Variants in NABP2 observed in about 807,000 individuals in gnomAD.
NABP2 encodes the protein nucleic acid binding protein 2.
A neutral mutation model predicts 22.7 loss-of-function variants in NABP2; 7 were observed. The ratio of observed to expected loss-of-function variants is 0.31; its 90% CI spans 0.18 to 0.58. The LOEUF is 0.58. Ranked by LOEUF, NABP2 falls within the 20% of genes least tolerant of loss-of-function variation. The pLI is 0.89. For synonymous variants in NABP2, 107 were observed against 99.2 expected, an observed-to-expected ratio of 1.08 and a Z score of -0.47; for missense variants, 188 against 265.9, an observed-to-expected ratio of 0.71 and a Z score of 2.04.
At chr12:56,227,373 C>CAA (rs35370619) in intron 6 of NABP2, among the ~76,000 whole-genome samples, 45 of 104,214 alleles carry the variant, frequency 4.3e-4, no homozygotes, top group African/African-American at 9.3e-4. Flanking sequence ...GACTCTTTCT[C>CAA]AAAAAAAAAA....
At position 56,225,359 on chromosome 12, in the gene NABP2, T is replaced by C. The variant is rs938557957; in HGVS notation, c.80-14T>C. ...TTGACCATCCTCCCACCTCGATTTA[T>C]CTGTTCCGTTCAGGCCGAGTGACCA... On this transcript the variant is annotated splice_polypyrimidine_tract_variant and intron_variant, in intron 2 of 6. Transcript: ENST00000267023. 1 of 1,614,162 alleles carries C rather than the reference T, an allele frequency of 6.2e-7. No individual in the cohort carries two copies. The highest frequency in any genetic ancestry group is 8.5e-7 in the Non-Finnish European group (1 of 1,179,994).
At chr12:56,228,386 C>CT (rs776947930) in intron 6 of NABP2, among the ~76,000 whole-genome samples, 72 of 137,622 alleles carry the variant, frequency 5.2e-4, no homozygotes, top group Admixed American at 7.4e-4. Flanking sequence ...GTGAAGGGGC[C>CT]TTTTTTTTTT....
chr12:56,222,872 G>A (rs1869562516), upstream of NABP2, among the ~76,000 whole-genome samples: 1 of 152,118 alleles, frequency 6.6e-6, no homozygotes, highest in Admixed American at 6.6e-5. Context: ...AATTTGACAG[G>A]TCCCAAAAGG....
At chr12:56,228,621 C>T (rs540099080) in intron 6 of NABP2, among the ~76,000 whole-genome samples, 1 of 152,166 alleles carries the variant, frequency 6.6e-6, no homozygotes, top group Non-Finnish European at 1.5e-5. Flanking sequence ...TGCCTGACCT[C>T]GTGATCCACC....
At chr12:56,224,757 G>A (rs762656141) in intron 1 of NABP2, 77 bp from the exon 2 acceptor site, 5 of 1,282,198 alleles carry the variant, frequency 3.9e-6, no homozygotes, top group East Asian at 2.3e-5. Context: ...GCCTAATGGG[G>A]TAGGTAGGCC....
Position 56,224,883 on chromosome 12 carries a change from T to C in NABP2, c.27T>C (p.Asp9=), listed in dbSNP as rs763356446. 1 of 1,613,696 alleles carries C rather than the reference T, an allele frequency of 6.2e-7. No individual in the cohort carries two copies. The highest frequency in any genetic ancestry group is 1.1e-5 in the South Asian group (1 of 91,076). The stretch of plus-strand genomic sequence containing the variant: ...TGACGACGGAGACCTTTGTGAAGGA[T>C]ATCAAGCCTGGGCTCAAGAATCTGA... MTTETFVK[D]IKPGLKNLNL... is the part of the protein sequence containing the mutation. Residue 9 remains aspartate (D), a synonymous_variant, in exon 2 of 7, where the codon GAT becomes GAC. Coordinates refer to ENST00000267023, the MANE Select transcript of NABP2 (RefSeq NM_024068.4).
chr12:56,225,749 C>T (rs1201102522), intron 4 of NABP2, 54 bp downstream of exon 4: 5 of 1,568,428 alleles, frequency 3.2e-6, no homozygotes, highest in Non-Finnish European at 4.4e-6. Context: ...AAGGGGTTTG[C>T]AAGGAGGCAG....
chr12:56,224,002 T>C (rs996989923), upstream of NABP2, among the ~76,000 whole-genome samples: 3 of 152,192 alleles, frequency 2.0e-5, no homozygotes, highest in South Asian at 2.1e-4. Context: ...AAGTGAAGCA[T>C]TGAGCCAGGA....
At chr12:56,225,810 T>C in intron 4 of NABP2, 115 bp downstream of exon 4, 1 of 1,127,866 alleles carries the variant, frequency 8.9e-7, no homozygotes, top group Non-Finnish European at 1.3e-6. Context: ...TGTTTGTTTG[T>C]TTGTTTGTTT....
chr12:56,226,098 A>C (rs1485537860), intron 4 of NABP2, 81 bp from the exon 5 acceptor site: 1 of 1,300,510 alleles, frequency 7.7e-7, no homozygotes, highest in Non-Finnish European at 1.1e-6. Context: ...GACCACACCG[A>C]ACCTATCTGG....
At chr12:56,225,352 C>T (rs776096594) in intron 2 of NABP2, 21 bp from the exon 3 acceptor site, 11 of 1,613,936 alleles carry the variant, frequency 6.8e-6, no homozygotes, top group African/African-American at 1.3e-5. Context: ...CCTCCCACCT[C>T]GATTTATCTG....
intron 6 of NABP2, 105 bp downstream of exon 6, chr12:56,226,524 G>A (rs1869773060): frequency 1.3e-6 from 1 of 743,694 alleles, no homozygotes; most frequent in African/African-American, 1.9e-5. Context: ...TCTTTTCTCA[G>A]TGTATCCTCC....
chr12:56,225,001 T>A (rs1408766483), intron 2 of NABP2, 66 bp downstream of exon 2: 19 of 1,216,586 alleles, frequency 1.6e-5, no homozygotes, highest in Non-Finnish European at 2.3e-5. Context: ...GAACGCTGTC[T>A]GCGTTCTTAA....
In NABP2 at chr12:56,227,712, G is replaced by C. The variant is rs149207736; in HGVS notation, c.436+1293G>C. ...ACCCATCATCCTAGCTACTTGGGAG[G>C]CTGAGGCAGGAGCATTGCTTGAGCA... is the stretch of plus-strand genomic sequence containing the variant. On this transcript the variant is annotated intron_variant, in intron 6 of 6. Transcript: ENST00000267023. Among the ~76,000 whole-genome samples the C allele has an allele frequency of 2.0e-5, 3 of 152,280 alleles. No individual in the cohort carries two copies. In the East Asian group the frequency reaches 5.8e-4, roughly 29 times the overall value.
At position 56,226,258 on chromosome 12, in the gene NABP2, GCGGTGAGT is replaced by G. The variant is rs748952603; in HGVS notation, c.372_372+7del. 1.9e-6 allele frequency: 3 copies of G among 1,614,034 alleles called. No homozygotes were observed. In the African/African-American group the frequency reaches 4.0e-5, roughly 22 times the overall value. ...CAGCACCCAGCAGGCACCCAACAAG[GCGGTGAGT>G]CCTGTGGCCACAATGGTGGGAAAGG... On this transcript the variant is annotated splice_donor_variant and splice_donor_5th_base_variant and coding_sequence_variant and intron_variant, in exon 5 of 7. Transcript: ENST00000267023. LOFTEE classifies it high-confidence loss of function.
rs749468271 is a variant in NABP2, at chr12:56,229,119, G to C, written c.542G>C (p.Arg181Pro). 2 of 1,076,866 alleles carry C rather than the reference G, an allele frequency of 1.9e-6. No homozygotes were observed. The highest frequency in any genetic ancestry group is 1.3e-6 in the Non-Finnish European group (1 of 792,522). The allele number at this position is 1,076,866 out of a possible 1,614,324, so 66.7% of individuals were successfully genotyped here. A position where few individuals can be genotyped will look rare whatever the true frequency, so the allele number is the denominator to read the frequency against. Residue 181 changes from arginine (R) to proline (P), a missense_variant, in exon 7 of 7, where the codon CGA (arginine) becomes CCA (proline). By Grantham distance (103) the Arg-to-Pro change is moderately radical (BLOSUM62 -2). Coordinates refer to ENST00000267023, the MANE Select transcript of NABP2 (RefSeq NM_024068.4). Reference sequence around the variant, plus strand: ...CACCCACCCAGCACCCGAATCACTCGAAGCCAGCCCAACCACACACCTGCA... The same window carrying C: ...CACCCACCCAGCACCCGAATCACTCCAAGCCAGCCCAACCACACACCTGCA... ...PSHPPSTRITRSQPNHTPAGP... is the reference protein window; with the variant it reads ...PSHPPSTRITPSQPNHTPAGP...
At chr12:56,228,942 G>A in intron 6 of NABP2, 72 bp from the exon 7 acceptor site, 1 of 1,406,674 alleles carries the variant, frequency 7.1e-7, no homozygotes, top group Non-Finnish European at 9.8e-7. Flanking sequence ...TTTGGGGCAT[G>A]GAGACAGGCC....
Position 56,229,503 on chromosome 12 carries a change from G to A in NABP2, c.*290G>A. On this transcript the variant is annotated 3_prime_UTR_variant, in exon 7 of 7. Coordinates refer to ENST00000267023, the MANE Select transcript of NABP2 (RefSeq NM_024068.4). ...TAATCCCAGCACTTTGGGAAGCCGA[G>A]GTGGGCGGATCACCTGAGGTCGGGA... 1 of 382,926 alleles carries A rather than the reference G, an allele frequency of 2.6e-6. No homozygotes were observed. The highest frequency in any genetic ancestry group is 2.6e-5 in the South Asian group (1 of 38,860). The allele number at this position is 382,926 out of a possible 1,614,324, so 23.7% of individuals were successfully genotyped here.
intron 6 of NABP2, among the ~76,000 whole-genome samples, chr12:56,227,655 A>G (rs1869835423): frequency 6.6e-6 from 1 of 152,002 alleles, no homozygotes; most frequent in South Asian, 2.1e-4. Context: ...GGCTTCAAAC[A>G]TTGAAAATAT....
Sources: allele counts gnomAD v4.1 joint callset (sites outside exome capture counted in the v4.1 genomes callset), GRCh38; gene constraint gnomAD v4.1.1; transcripts MANE v1.5; gene names NCBI Gene and HGNC (gene_info 2026-07-23, HGNC 2026-07-21).